PIDD1: variants seen among roughly 807,000 people sequenced by gnomAD.
The protein encoded by PIDD1 is p53-induced death domain protein 1.
A neutral mutation model predicts 80.0 loss-of-function variants in PIDD1; 72 were observed. The ratio of observed to expected loss-of-function variants is 0.90; its 90% CI spans 0.74 to 1.09. The LOEUF (loss-of-function observed/expected upper bound fraction) is 1.09. Ranked by LOEUF, PIDD1 falls within the 50% of genes least tolerant of loss-of-function variation. The probability of loss-of-function intolerance (pLI) is 0.00; values close to 1 mark genes in which losing one functional copy is unlikely to be tolerated. For missense variants in PIDD1, 1,329 were observed against 1,228.3 expected, an observed-to-expected ratio of 1.08 and a Z score of -1.23; for synonymous variants, 655 against 543.5, an observed-to-expected ratio of 1.21 and a Z score of -2.85.
chr11:806,241 C>T (rs1865766496), upstream of PIDD1: 1 of 152,342 alleles, frequency 6.6e-6, no homozygotes, highest in Non-Finnish European at 1.5e-5. Context: ...TCACCAGCTT[C>T]CTCGCCCAGG....
Position 804,689 on chromosome 11 carries a change from G to A in PIDD1, c.-75-226C>T, listed in dbSNP as rs558388786. On this transcript the variant is annotated intron_variant, in intron 1 of 15. Transcript: ENST00000347755. ...GGCTCGCAGGAGCACCGGGCAGGGAGACCTCGCTATGAGCAGCAAAGCCGG... is the reference window on the plus strand; with the variant it reads ...GGCTCGCAGGAGCACCGGGCAGGGAAACCTCGCTATGAGCAGCAAAGCCGG... 2.2e-5 allele frequency: 9 copies of A among 401,502 alleles called. No homozygotes were observed. The South Asian group carries it at 3.1e-4, about 14-fold the overall frequency. 24.9% of individuals were successfully genotyped at this position (401,502 alleles called of 1,614,324 possible).
At chr11:806,780 T>TAGTAGA (rs202167065), upstream of PIDD1, among the ~76,000 whole-genome samples, 6,963 of 152,110 alleles carry the variant, frequency 0.046, 248 homozygotes, top group Admixed American at 0.11. Context: ...AGACGGGGTT[T>TAGTAGA]CACCGTGTTA....
In PIDD1 at chr11:805,165, A is replaced by T. The variant is rs546622961; in HGVS notation, c.-76+14T>A. ...TCCCCGCCGCCCCCTCCGCCCGCCC[A>T]GGCCGGCGCGTACCTGCGCTGCAGG... is the stretch of plus-strand genomic sequence containing the variant. On this transcript the variant is annotated intron_variant, in intron 1 of 15. Transcript: ENST00000347755. The T allele has an allele frequency of 4.3e-4, 421 of 976,528 alleles. No individual in the cohort carries two copies. The highest frequency in any genetic ancestry group is 4.7e-4 in the Non-Finnish European group (388 of 821,988). 60.5% of individuals were successfully genotyped at this position (976,528 alleles called of 1,614,324 possible).
chr11:799,661 T>C, intron 15 of PIDD1, 96 bp from the exon 16 acceptor site: 1 of 1,424,600 alleles, frequency 7.0e-7, no homozygotes, highest in Non-Finnish European at 9.3e-7. Context: ...TCCCGGCTCC[T>C]GGGGCCAGGT....
chr11:807,684 G>C (rs1234374741), upstream of PIDD1, among the ~76,000 whole-genome samples: 2 of 152,088 alleles, frequency 1.3e-5, no homozygotes, highest in Non-Finnish European at 2.9e-5. Context: ...GGCTGAAGCA[G>C]GAGAGTGGCA....
upstream of PIDD1, among the ~76,000 whole-genome samples, chr11:806,465 T>A (rs971001669): frequency 6.6e-6 from 1 of 152,182 alleles, no homozygotes; most frequent in African/African-American, 2.4e-5. Flanking sequence ...TATCGGCGGC[T>A]CCTTCTTCCT....
rs1329502403 is a variant in PIDD1 at position 802,729 on chromosome 11, T to C, written c.872A>G (p.Gln291Arg). 2.5e-6 allele frequency: 4 copies of C among 1,611,760 alleles called. No individual in the cohort carries two copies. The African/African-American group carries it at 5.3e-5, about 22-fold the overall frequency. Residue 291 changes from glutamine (Q) to arginine (R), a missense_variant, in exon 4 of 16, where the codon CAG becomes CGG. Gln to Arg is a conservative substitution (Grantham distance 43). Transcript: ENST00000347755. The stretch of plus-strand genomic sequence containing the variant: ...CGAGGCCTCACCCAGGGGGTTCCCC[T>C]GCAGGCGCACAAAGGGGGCGTCTAG... ...ELLDAPFVRL[Q>R]GNPLGEASPD...
chr11:803,190 G>A lies in PIDD1; in HGVS notation c.693C>T (p.Ser231=). The change falls in exon 3 of 16, where the codon AGC becomes AGT. Residue 231 remains serine (S), a synonymous_variant. Transcript: ENST00000347755. ...ELNLASNRLQ[S]LPASLAGLRS... ...GCTACTCACCCAGAGAGGCTGGGAG[G>A]CTCTGCAGCCGGTTGGAGGCCAGGT... is the stretch of plus-strand genomic sequence containing the variant. 6 of 1,606,898 alleles carry A rather than the reference G, an allele frequency of 3.7e-6. No individual in the cohort carries two copies. The South Asian group carries it at 6.6e-5, about 18-fold the overall frequency.
At chr11:803,938 G>A (rs900162252) in intron 2 of PIDD1, 156 bp downstream of exon 2, 10 of 842,788 alleles carry the variant, frequency 1.2e-5, no homozygotes, top group Non-Finnish European at 1.4e-5. Context: ...ATGGCGATGG[G>A]GCTGGACAGG....
In PIDD1 at chr11:800,603, C is replaced by T; in HGVS notation, c.1981G>A (p.Glu661Lys). ...AAGAACTCTTCGCCCTCGAACATCT[C>T]CACCGTGTCAGAGGGCTCGGGGCCC... ...YRGPEPSDTV[E>K]MFEGEEFFAA... is the part of the protein sequence containing the mutation. The change falls in exon 12 of 16, where the codon GAG (glutamate) becomes AAG (lysine). Residue 661 changes from glutamate (E) to lysine (K), a missense_variant. Physicochemically the swap from Glu to Lys is moderately conservative, Grantham distance 56. Coordinates refer to ENST00000347755, the MANE Select transcript of PIDD1 (RefSeq NM_145886.4). 3.1e-6 allele frequency: 5 copies of T among 1,599,918 alleles called. No homozygotes were observed. Among genetic ancestry groups the T allele is most frequent in the Non-Finnish European group, 4.3e-6 (5 of 1,176,180 alleles).
rs1389876482 is a variant in PIDD1 at position 800,195 on chromosome 11, T to C, written c.2210A>G (p.Glu737Gly). 1 of 1,610,832 alleles carries C rather than the reference T, an allele frequency of 6.2e-7. No individual in the cohort carries two copies. The highest frequency in any genetic ancestry group is 1.3e-5 in the African/African-American group (1 of 74,922). ...AVPVRVPEEA[E>G]AARQRKGADA... Reference sequence around the variant, plus strand: ...TGCGCCCTTCCTCTGCCGGGCAGCCTCAGCCTCCTCGGGCACCCGCACAGG... The same window carrying C: ...TGCGCCCTTCCTCTGCCGGGCAGCCCCAGCCTCCTCGGGCACCCGCACAGG... The change falls in exon 14 of 16, where the codon GAG becomes GGG. Residue 737 changes from glutamate (E) to glycine (G), a missense_variant. By Grantham distance (98) the Glu-to-Gly change is moderately conservative. Transcript: ENST00000347755.
In PIDD1 at chr11:801,247, A is replaced by C; in HGVS notation, c.1601T>G (p.Val534Gly). Residue 534 changes from valine (V) to glycine (G), a missense_variant, in exon 9 of 16, where the codon GTG becomes GGG. Val to Gly is a moderately radical substitution (Grantham distance 109, BLOSUM62 -3). Coordinates refer to ENST00000347755, the MANE Select transcript of PIDD1 (RefSeq NM_145886.4). ...GATGCCAGAGGGCAGAGGCAGCTGC[A>C]CGGTGACCGGTTGGAGGAAGCTGGG... ...GPPSFLQPVT[V>G]QLPLPSGITG... 6.4e-7 allele frequency: 1 copy of C among 1,567,476 alleles called. No individual in the cohort carries two copies. The highest frequency in any genetic ancestry group is 8.7e-7 in the Non-Finnish European group (1 of 1,154,210).
In PIDD1 at chr11:802,094, C is replaced by A; in HGVS notation, c.1177-4G>T. On this transcript the variant is annotated splice_region_variant and splice_polypyrimidine_tract_variant and intron_variant, in intron 6 of 15. Transcript: ENST00000347755. ...AGAGCAGCCACAGCCCCACATCCTG[C>A]CAGACAAGGATGGTGTGAGCACTGG... is the stretch of plus-strand genomic sequence containing the variant. 5 of 1,575,998 alleles carry A rather than the reference C, an allele frequency of 3.2e-6. No individual in the cohort carries two copies. The highest frequency in any genetic ancestry group is 4.3e-6 in the Non-Finnish European group (5 of 1,161,452).
rs1590134503 is a variant in PIDD1, at chr11:800,143, G to A, written c.2262C>T (p.Pro754=). The change falls in exon 14 of 16, where the codon CCC becomes CCT. Residue 754 remains proline (P), a synonymous_variant. Transcript: ENST00000347755. ...CCCTCAGTCCCACCGGCAGCTTGAT[G>A]GGCAGAGTGGCCATCCACAGGGCGT... ...GADALWMATL[P]IKLPRLRGSE... 1.9e-6 allele frequency: 3 copies of A among 1,610,154 alleles called. No individual in the cohort carries two copies. Among genetic ancestry groups the A allele is most frequent in the East Asian group, 2.2e-5 (1 of 44,798 alleles).
intron 2 of PIDD1, 41 bp downstream of exon 2, chr11:804,053 A>T (rs750473388): frequency 8.3e-6 from 13 of 1,558,718 alleles, no homozygotes; most frequent in Non-Finnish European, 8.7e-7. Context: ...GGCAGGGCAG[A>T]GCGAGAGATG....
chr11:801,792 G>C (rs1408149824), intron 7 of PIDD1, 168 bp from the exon 8 acceptor site: 1 of 929,032 alleles, frequency 1.1e-6, no homozygotes, highest in Non-Finnish European at 1.6e-6. Context: ...GGGACACAGG[G>C]AAGCAGGATC....
At position 802,280 on chromosome 11, in the gene PIDD1, T is replaced by G. The variant is rs1336480631; in HGVS notation, c.1091A>C (p.Glu364Ala). 1.2e-6 allele frequency: 2 copies of G among 1,611,766 alleles called. No individual in the cohort carries two copies. The highest frequency in any genetic ancestry group is 4.5e-5 in the East Asian group (2 of 44,856). Residue 364 changes from glutamate (E) to alanine (A), a missense_variant, in exon 6 of 16, where the codon GAG becomes GCG. By Grantham distance (107) the Glu-to-Ala change is moderately radical. Coordinates refer to ENST00000347755, the MANE Select transcript of PIDD1 (RefSeq NM_145886.4). ...AGGACCCAGGGGGACGAGGCCTGGC[T>G]CCGGCAGCAGCAGCCGATAGCGGAT... The part of the protein sequence containing the change: ...ITIRYRLLLP[E>A]PGLVPLGPHD...
Position 800,784 on chromosome 11 carries a change from A to G in PIDD1, c.1895T>C (p.Leu632Pro). The G allele has an allele frequency of 6.4e-7, 1 of 1,552,556 alleles. No individual in the cohort carries two copies. The highest frequency in any genetic ancestry group is 8.7e-7 in the Non-Finnish European group (1 of 1,148,920). ...QRRRDPEQVL[L>P]QCLPRNKVDA... The stretch of plus-strand genomic sequence containing the variant: ...CACCTTGTTTCGGGGCAGGCACTGC[A>G]GCAGGACCTGCTCAGGGTCCCGGCG... Residue 632 changes from leucine to proline, a missense_variant, in exon 11 of 16, where the codon CTG becomes CCG. Coordinates refer to ENST00000347755, the MANE Select transcript of PIDD1 (RefSeq NM_145886.4).
Position 801,967 on chromosome 11 carries a change from G to T in PIDD1, c.1300C>A (p.Gln434Lys). 1 of 1,599,538 alleles carries T rather than the reference G, an allele frequency of 6.3e-7. No homozygotes were observed. The highest frequency in any genetic ancestry group is 8.5e-7 in the Non-Finnish European group (1 of 1,173,742). The part of the protein sequence containing the change: ...LETYLEEEAP[Q>K]RLWAHCQVPH... ...CGGCAGGCCTGGGTGGCCCTCACCTGGGGTGCCTCTTCCTCCAGGTAGGTC... is the reference window on the plus strand; with the variant it reads ...CGGCAGGCCTGGGTGGCCCTCACCTTGGGTGCCTCTTCCTCCAGGTAGGTC... Residue 434 changes from glutamine to lysine, a missense_variant and splice_region_variant, in exon 7 of 16, where the codon CAG becomes AAG. Gln to Lys is a moderately conservative substitution (Grantham distance 53, BLOSUM62 1). Coordinates refer to ENST00000347755, the MANE Select transcript of PIDD1 (RefSeq NM_145886.4).
Sources: gnomAD v4.1 joint callset for allele counts (sites outside exome capture counted in the v4.1 genomes callset) on GRCh38, gnomAD v4.1.1 for gene constraint, MANE v1.5 for transcripts, NCBI Gene and HGNC (gene_info 2026-07-23, HGNC 2026-07-21) for gene names.